The following REPS2 variants were observed in gnomAD, a reference collection of about 807,000 sequenced individuals.
REPS2 encodes the protein RALBP1 associated Eps domain containing 2, also known as ralBP1-associated Eps domain-containing protein 2.
In REPS2, 23 loss-of-function variants were observed where a neutral mutation model predicts 53.6. The ratio of observed to expected loss-of-function variants is 0.43; its 90% confidence interval spans 0.31 to 0.61. REPS2 has a LOEUF of 0.61. REPS2 is among the 20% of genes least tolerant of loss of function. The probability of loss-of-function intolerance (pLI) is 0.11; values close to 1 mark genes in which losing one functional copy is unlikely to be tolerated. For missense variants in REPS2, 446 were observed against 534.9 expected, an observed-to-expected ratio of 0.83 and a Z score of 1.64; for synonymous variants, 238 against 218.6, an observed-to-expected ratio of 1.09 and a Z score of -0.78.
chrX:16,994,957 A>G (rs920104954), intron 1 of REPS2, among the ~76,000 whole-genome samples: 3 of 112,365 alleles, frequency 2.7e-5, no homozygotes, highest in East Asian at 2.8e-4. Context: ...GGAAAATTTC[A>G]TAAACACTGG....
intron 2 of REPS2, among the ~76,000 whole-genome samples, chrX:17,010,186 G>T (rs763477711): frequency 2.7e-5 from 3 of 112,241 alleles, no homozygotes; most frequent in African/African-American, 9.7e-5. Context: ...TTTATTTATA[G>T]TCATAGAAAG....
rs200986826 is a variant in REPS2 at position 17,050,194 on chromosome X, C to CTTTT, written c.908-2175_908-2172dup. On this transcript the variant is annotated intron_variant, in intron 6 of 17. Coordinates refer to ENST00000357277, the MANE Select transcript of REPS2 (RefSeq NM_004726.3). ...TCTTTCTTTCTTTCTTTCTTTCTTTCTTTTTTTTTTTTTTTTGACAGGGTC... is the reference window on the plus strand; with the variant it reads ...TCTTTCTTTCTTTCTTTCTTTCTTTCTTTTTTTTTTTTTTTTTTTTGACAGGGTC... 7.0e-4 allele frequency among the ~76,000 whole-genome samples: 36 copies of CTTTT among 51,794 alleles called. 1 individual carries two copies. The highest frequency in any genetic ancestry group is 3.0e-3 in the African/African-American group (32 of 10,512). The allele number at this position is 51,794 out of a possible 115,157, so 45.0% of individuals were successfully genotyped here.
At chrX:17,079,822 C>T (rs1235940756) in intron 13 of REPS2, among the ~76,000 whole-genome samples, 1 of 112,286 alleles carries the variant, frequency 8.9e-6, no homozygotes, top group African/African-American at 3.2e-5. Context: ...GGTATAATTG[C>T]ATCTACTTTA....
At chrX:17,129,695 T>C (rs748231600) in intron 14 of REPS2, among the ~76,000 whole-genome samples, 67 of 112,417 alleles carry the variant, frequency 6.0e-4, no homozygotes, top group African/African-American at 1.9e-3. Flanking sequence ...TTTGTGTTTT[T>C]AGAGATGTTT....
At chrX:17,041,658 A>G (rs2061831561) in intron 5 of REPS2, among the ~76,000 whole-genome samples, 2 of 112,125 alleles carry the variant, frequency 1.8e-5, no homozygotes, top group Non-Finnish European at 3.8e-5. Context: ...TTGCTACTCC[A>G]AATAGTTTGT....
At chrX:17,157,042 G>A (rs2063619545), downstream of REPS2, among the ~76,000 whole-genome samples, 1 of 111,724 alleles carries the variant, frequency 9.0e-6, no homozygotes, top group African/African-American at 3.3e-5. Context: ...TGTGTATGGA[G>A]GATGGGGTGG....
chrX:17,042,643 C>G (rs1353226236), intron 5 of REPS2, among the ~76,000 whole-genome samples: 1 of 110,546 alleles, frequency 9.0e-6, no homozygotes, highest in East Asian at 2.8e-4. Flanking sequence ...AGAGCTCACA[C>G]TACCTTTTAG....
At position 17,025,173 on chromosome X, in the gene REPS2, C is replaced by G; in HGVS notation, c.661C>G (p.Gln221Glu). The change falls in exon 4 of 18, where the codon CAG becomes GAG. Residue 221 changes from glutamine (Q) to glutamate (E), a missense_variant. Gln to Glu is a conservative substitution (Grantham distance 29). Transcript: ENST00000357277. ...GYSKLRSSAE[Q>E]MHPAPYEARQ... ...CAGCAAACTGCGGAGCAGCGCAGAA[C>G]AGATGCATCCAGGTAAGAGGCGACC... The G allele has an allele frequency of 8.3e-7, 1 of 1,210,193 alleles. No homozygotes were observed. The highest frequency in any genetic ancestry group is 1.8e-5 in the South Asian group (1 of 56,739).
chrX:17,148,873 G>C lies in REPS2; in HGVS notation c.*1392G>C, dbSNP rs369400480. ...AGGGTAGCAGGGTGGGGGTGTATAG[G>C]GTCTTTTTGAAGCAGTTTTGGATAG... On this transcript the variant is annotated 3_prime_UTR_variant, in exon 18 of 18. Transcript: ENST00000357277. 1 of 369,397 alleles carries C rather than the reference G, an allele frequency of 2.7e-6. No individual in the cohort carries two copies. Among genetic ancestry groups the C allele is most frequent in the East Asian group, 7.6e-5 (1 of 13,236 alleles). The allele number at this position is 369,397 out of a possible 1,213,427, so 30.4% of individuals were successfully genotyped here.
chrX:17,102,363 G>A (rs1374169635), intron 13 of REPS2, among the ~76,000 whole-genome samples: 5 of 111,940 alleles, frequency 4.5e-5, no homozygotes, highest in Admixed American at 2.9e-4. Flanking sequence ...ACTACAGCAT[G>A]AGGCACCATG....
At chrX:16,955,964 A>T (rs1033393124) in intron 1 of REPS2, among the ~76,000 whole-genome samples, 1 of 112,610 alleles carries the variant, frequency 8.9e-6, no homozygotes, top group African/African-American at 3.2e-5. Context: ...AAACATTTTC[A>T]TGCGTAATTC....
chrX:17,107,636 T>C (rs976074694), intron 14 of REPS2, among the ~76,000 whole-genome samples: 3 of 112,121 alleles, frequency 2.7e-5, no homozygotes, highest in East Asian at 2.8e-4. Flanking sequence ...GATTAAGTTA[T>C]ACAAATGGGG....
chrX:16,971,803 A>G (rs765833819), intron 1 of REPS2, among the ~76,000 whole-genome samples: 1 of 112,401 alleles, frequency 8.9e-6, no homozygotes, highest in South Asian at 3.7e-4. Context: ...ATTGTTTTGG[A>G]ACCCTTGTGC....
rs2063584560 is a variant in REPS2 at position 17,153,101 on chromosome X, C to T, written c.*5620C>T. On this transcript the variant is annotated 3_prime_UTR_variant, in exon 18 of 18. Coordinates refer to ENST00000357277, the MANE Select transcript of REPS2 (RefSeq NM_004726.3). ...GAACATTATGTATATTGACCTTAAA[C>T]ATAGGTGTCCTATATTTGGATTGTG... 1 of 112,492 alleles carries T rather than the reference C, an allele frequency of 8.9e-6. No individual in the cohort carries two copies. The highest frequency in any genetic ancestry group is 1.9e-5 in the Non-Finnish European group (1 of 53,247). The allele number at this position is 112,492 out of a possible 1,213,427, so 9.3% of individuals were successfully genotyped here.
chrX:17,140,657 G>A (rs114009329), intron 17 of REPS2, among the ~76,000 whole-genome samples: 2,644 of 109,427 alleles, frequency 0.024, 50 homozygotes, highest in African/African-American at 0.069. Context: ...TTTAGCATGC[G>A]TATAATTAGC....
At chrX:16,967,994 C>T (rs1439481569) in intron 1 of REPS2, among the ~76,000 whole-genome samples, 1 of 110,734 alleles carries the variant, frequency 9.0e-6, no homozygotes, top group Admixed American at 9.5e-5. Flanking sequence ...TGCGGCCTTC[C>T]GCAGTGTTTG....
At chrX:17,060,951 G>A (rs189980022) in intron 8 of REPS2, among the ~76,000 whole-genome samples, 2 of 111,524 alleles carry the variant, frequency 1.8e-5, no homozygotes, top group Admixed American at 9.5e-5. Context: ...CAGGAGCAGC[G>A]GGGTGCTTGC....
intron 14 of REPS2, among the ~76,000 whole-genome samples, chrX:17,107,650 T>C (rs1225616976): frequency 9.0e-6 from 1 of 111,707 alleles, no homozygotes; most frequent in Non-Finnish European, 1.9e-5. Context: ...AATGGGGCCC[T>C]GGAGTTAGGA....
intron 1 of REPS2, among the ~76,000 whole-genome samples, chrX:16,967,612 C>T (rs183902279): frequency 9.0e-6 from 1 of 110,549 alleles, no homozygotes; most frequent in Admixed American, 9.7e-5. Flanking sequence ...TGGAGGGAGA[C>T]GTGATCACAC....
Sources: gnomAD v4.1 joint callset for allele counts (sites outside exome capture counted in the v4.1 genomes callset) on GRCh38, gnomAD v4.1.1 for gene constraint, MANE v1.5 for transcripts, NCBI Gene and HGNC (gene_info 2026-07-23, HGNC 2026-07-21) for gene names.